The following PRMT7 variants were observed in gnomAD, a reference collection of about 807,000 sequenced individuals.
PRMT7 encodes protein arginine methyltransferase 7.
A neutral mutation model predicts 85.4 loss-of-function variants in PRMT7; 75 were observed. That is an observed-to-expected ratio of 0.88 (90% CI 0.73 to 1.06). The LOEUF (loss-of-function observed/expected upper bound fraction) is 1.06. Ranked by LOEUF, PRMT7 falls within the 50% of genes least tolerant of loss-of-function variation. The pLI, the probability that PRMT7 is intolerant of heterozygous loss-of-function variation, is 0.00. For synonymous variants in PRMT7, 397 were observed against 359.5 expected (o/e 1.10, Z -1.18); for missense variants, 868 against 915.2 (o/e 0.95, Z 0.67).
chr16:68,324,571 C>G, intron 4 of PRMT7, 112 bp from the exon 5 acceptor site: 2 of 1,338,264 alleles, frequency 1.5e-6, no homozygotes, highest in African/African-American at 1.4e-5. Flanking sequence ...CCAGAAAGGC[C>G]ATAGGGCCCT....
intron 2 of PRMT7, among the ~76,000 whole-genome samples, chr16:68,313,278 G>A (rs2044198681): frequency 6.6e-6 from 1 of 152,082 alleles, no homozygotes; most frequent in East Asian, 1.9e-4. Flanking sequence ...AAGGTTTGAG[G>A]GAGGCACGTC....
chr16:68,319,649 G>A (rs965579952), intron 3 of PRMT7, among the ~76,000 whole-genome samples: 1 of 151,054 alleles, frequency 6.6e-6, no homozygotes, highest in East Asian at 1.9e-4. Context: ...AGTGTGGAAT[G>A]TGGACCACCT....
rs201660678 is a variant in PRMT7 at position 68,349,320 on chromosome 16, A to G, written c.1413+889A>G. ...CTCTCTGGTAATCACGTTCCTTCTC[A>G]TGTGTGAATCAGTGACCATCAGAGC... is the stretch of plus-strand genomic sequence containing the variant. On this transcript the variant is annotated intron_variant, in intron 14 of 18. Coordinates refer to ENST00000441236, the MANE Select transcript of PRMT7 (RefSeq NM_019023.5). 4.9e-4 allele frequency among the ~76,000 whole-genome samples: 58 copies of G among 118,802 alleles called. 1 individual carries two copies. In the South Asian group the frequency reaches 7.9e-3, roughly 16 times the overall value. 77.9% of individuals were successfully genotyped at this position (118,802 alleles called of 152,430 possible).
intron 9 of PRMT7, among the ~76,000 whole-genome samples, chr16:68,344,902 C>T (rs2086087796): frequency 7.1e-6 from 1 of 141,642 alleles, no homozygotes; most frequent in Non-Finnish European, 1.5e-5. Context: ...TCTGCTTTAT[C>T]TTTGTCTTTC....
rs780319886 is a variant in PRMT7, at chr16:68,315,941, C to G, written c.-39C>G. On this transcript the variant is annotated 5_prime_UTR_variant, in exon 3 of 19. Coordinates refer to ENST00000441236, the MANE Select transcript of PRMT7 (RefSeq NM_019023.5). Reference sequence around the variant, plus strand: ...GTCCACAAGAACTCAACTGGCAAGGCTGCTTTTCTGTGCTAAAACTGGGGA... The same window carrying G: ...GTCCACAAGAACTCAACTGGCAAGGGTGCTTTTCTGTGCTAAAACTGGGGA... 12 of 1,569,348 alleles carry G rather than the reference C, an allele frequency of 7.6e-6. No individual in the cohort carries two copies. In the South Asian group the frequency reaches 1.3e-4, roughly 18 times the overall value.
chr16:68,341,141 T>G (rs1382963303), intron 9 of PRMT7, among the ~76,000 whole-genome samples: 1 of 152,240 alleles, frequency 6.6e-6, no homozygotes, highest in Non-Finnish European at 1.5e-5. Context: ...CTATGCGTCC[T>G]TGTATACCTT....
At position 68,347,111 on chromosome 16, in the gene PRMT7, G is replaced by T. The variant is rs542861502; in HGVS notation, c.1192-100G>T. 10 of 1,127,466 alleles carry T rather than the reference G, an allele frequency of 8.9e-6. No homozygotes were observed. The African/African-American group carries it at 1.5e-4, about 17-fold the overall frequency. The allele number at this position is 1,127,466 out of a possible 1,614,324, so 69.8% of individuals were successfully genotyped here. A position where few individuals can be genotyped will look rare whatever the true frequency, so the allele number is the denominator to read the frequency against. ...CGCAGGGGGATGGTCTGAGGTCTGG[G>T]CAAGTGGAGTGAGAAGGGAAGTATT... On this transcript the variant is annotated intron_variant, in intron 11 of 18. Coordinates refer to ENST00000441236, the MANE Select transcript of PRMT7 (RefSeq NM_019023.5).
chr16:68,324,970 G>C (rs779119241), intron 5 of PRMT7, 138 bp downstream of exon 5: 10 of 1,087,702 alleles, frequency 9.2e-6, no homozygotes, highest in Non-Finnish European at 1.2e-5. Context: ...GGCTCTGAGC[G>C]TATAGAGATG....
intron 4 of PRMT7, chr16:68,323,599 T>C (rs1027698090): frequency 3.3e-5 from 5 of 152,230 alleles, no homozygotes; most frequent in African/African-American, 1.2e-4. Flanking sequence ...AGTTTAGAAG[T>C]GTGTTTCTTA....
intron 9 of PRMT7, among the ~76,000 whole-genome samples, chr16:68,342,698 A>C (rs1316791369): frequency 2.0e-5 from 3 of 152,346 alleles, no homozygotes; most frequent in African/African-American, 7.2e-5. Context: ...CCATACCGAC[A>C]GCAGCATGTG....
Position 68,357,404 on chromosome 16 carries a change from G to C in PRMT7, c.*180G>C. ...GCACTGCTGGCCTCTGGCTCCAGCTGTGGCAGGAAGCATGAGAGGGTGACT... is the reference window on the plus strand; with the variant it reads ...GCACTGCTGGCCTCTGGCTCCAGCTCTGGCAGGAAGCATGAGAGGGTGACT... On this transcript the variant is annotated 3_prime_UTR_variant, in exon 19 of 19. Coordinates refer to ENST00000441236, the MANE Select transcript of PRMT7 (RefSeq NM_019023.5). 1 of 658,756 alleles carries C rather than the reference G, an allele frequency of 1.5e-6. No individual in the cohort carries two copies. The highest frequency in any genetic ancestry group is 1.8e-5 in the African/African-American group (1 of 54,538). The allele number at this position is 658,756 out of a possible 1,614,324, so 40.8% of individuals were successfully genotyped here.
At chr16:68,338,181 G>A (rs915424488) in intron 7 of PRMT7, among the ~76,000 whole-genome samples, 5 of 152,114 alleles carry the variant, frequency 3.3e-5, no homozygotes, top group Admixed American at 2.6e-4. Context: ...TGGAGGTTGC[G>A]GGTGGGTTAA....
chr16:68,320,097 A>G (rs1367460662), intron 3 of PRMT7, among the ~76,000 whole-genome samples: 4 of 152,182 alleles, frequency 2.6e-5, no homozygotes, highest in South Asian at 2.1e-4. Flanking sequence ...ATACCGCATC[A>G]GTGGTTATCT....
chr16:68,335,549 A>G (rs919226770), intron 6 of PRMT7, among the ~76,000 whole-genome samples: 3 of 150,944 alleles, frequency 2.0e-5, no homozygotes, highest in Non-Finnish European at 4.4e-5. Context: ...TCCACGTGAT[A>G]CTGTCATGGA....
At chr16:68,314,218 TA>T (rs2044372313) in intron 2 of PRMT7, among the ~76,000 whole-genome samples, 1 of 152,198 alleles carries the variant, frequency 6.6e-6, no homozygotes, top group South Asian at 2.1e-4. Context: ...AGATTGTTTC[TA>T]ATCTATTTGC....
intron 6 of PRMT7, among the ~76,000 whole-genome samples, chr16:68,335,045 G>A (rs1376926373): frequency 1.3e-5 from 2 of 152,098 alleles, no homozygotes; most frequent in Non-Finnish European, 2.9e-5. Flanking sequence ...GATCAGCCCA[G>A]CTTGGCCTCT....
In PRMT7 at chr16:68,336,352, G is replaced by A. The variant is rs540871263; in HGVS notation, c.392-1107G>A. Among the ~76,000 whole-genome samples, 24 of 152,246 alleles carry A rather than the reference G, an allele frequency of 1.6e-4. No individual in the cohort carries two copies. The South Asian group carries it at 4.4e-3, about 28-fold the overall frequency. ...TCCTACTCTTCTCTAAAATCCTACT[G>A]TCCTAAAACAACTGTTATTTAAGAG... is the stretch of plus-strand genomic sequence containing the variant. On this transcript the variant is annotated intron_variant, in intron 6 of 18. Transcript: ENST00000441236.
intron 13 of PRMT7, 145 bp from the exon 14 acceptor site, chr16:68,348,197 T>G: frequency 1.4e-6 from 1 of 691,336 alleles, no homozygotes; most frequent in Non-Finnish European, 2.5e-6. Flanking sequence ...AGGAGAGGAT[T>G]TTTCCACAAA....
intron 5 of PRMT7, among the ~76,000 whole-genome samples, chr16:68,325,466 G>A (rs559414554): frequency 5.3e-5 from 8 of 151,970 alleles, no homozygotes; most frequent in Non-Finnish European, 1.2e-4. Context: ...ACTCCAGCCT[G>A]GGTGACAGAG....
Sources: allele counts gnomAD v4.1 joint callset (sites outside exome capture counted in the v4.1 genomes callset), GRCh38; gene constraint gnomAD v4.1.1; transcripts MANE v1.5; gene names NCBI Gene and HGNC (gene_info 2026-07-23, HGNC 2026-07-21).